CHRNA7: variants seen among roughly 807,000 people sequenced by gnomAD.
CHRNA7 encodes the protein neuronal acetylcholine receptor subunit alpha-7.
CHRNA7 carries 17 observed loss-of-function variants against 48.0 expected under a neutral mutation model. That is an observed-to-expected ratio of 0.35 (90% CI 0.24 to 0.53). CHRNA7 has a LOEUF of 0.53. CHRNA7 is among the 20% of genes least tolerant of loss of function. The pLI, the probability that CHRNA7 is intolerant of heterozygous loss-of-function variation, is 0.92. For missense variants in CHRNA7, 155 were observed against 577.7 expected (o/e 0.27, Z 7.50); for synonymous variants, 75 against 242.3 (o/e 0.31, Z 6.41).
At chr15:32,053,936 T>C (rs902356577) in intron 2 of CHRNA7, among the ~76,000 whole-genome samples, 5 of 152,174 alleles carry the variant, frequency 3.3e-5, no homozygotes, top group African/African-American at 1.2e-4. Flanking sequence ...TTGTCATGGT[T>C]AATGAATGCC....
intron 2 of CHRNA7, among the ~76,000 whole-genome samples, chr15:32,032,653 A>G (rs1203560557): frequency 6.6e-6 from 1 of 152,186 alleles, no homozygotes; most frequent in African/African-American, 2.4e-5. Flanking sequence ...GTCCAGGGTC[A>G]ACTCCAGCCA....
chr15:32,093,658 G>A (rs992162734), intron 2 of CHRNA7, among the ~76,000 whole-genome samples: 1 of 152,108 alleles, frequency 6.6e-6, no homozygotes, highest in Non-Finnish European at 1.5e-5. Flanking sequence ...ACCTGCCTCT[G>A]TTCACCTGGC....
chr15:32,141,955 A>G (rs938675432), intron 4 of CHRNA7, among the ~76,000 whole-genome samples: 8 of 152,158 alleles, frequency 5.3e-5, no homozygotes, highest in African/African-American at 1.9e-4. Context: ...TTCCAACACT[A>G]TGTTGAATAG....
chr15:32,143,306 T>G (rs190240120), intron 4 of CHRNA7, among the ~76,000 whole-genome samples: 1 of 152,368 alleles, frequency 6.6e-6, no homozygotes, highest in Admixed American at 6.5e-5. Flanking sequence ...TGATTTCTGT[T>G]CTTTTACATT....
intron 3 of CHRNA7, among the ~76,000 whole-genome samples, chr15:32,107,677 C>T (rs1371993008): frequency 6.6e-6 from 1 of 152,150 alleles, no homozygotes; most frequent in East Asian, 1.9e-4. Flanking sequence ...CGCAAGGGTG[C>T]GCGGAGCTGT....
intron 2 of CHRNA7, among the ~76,000 whole-genome samples, chr15:32,050,140 C>G (rs772332855): frequency 2.0e-5 from 3 of 152,078 alleles, no homozygotes; most frequent in African/African-American, 7.2e-5. Flanking sequence ...TTGCTCTTCT[C>G]GATGAGTATC....
At chr15:32,053,040 A>G (rs1050714057) in intron 2 of CHRNA7, among the ~76,000 whole-genome samples, 3 of 152,192 alleles carry the variant, frequency 2.0e-5, no homozygotes, top group African/African-American at 7.2e-5. Flanking sequence ...ATGCACCTTT[A>G]TAATTGATAC....
At chr15:32,148,818 G>A (rs372674571) in intron 4 of CHRNA7, among the ~76,000 whole-genome samples, 4 of 152,180 alleles carry the variant, frequency 2.6e-5, no homozygotes, top group East Asian at 1.9e-4. Flanking sequence ...AGCCTCCTTC[G>A]TTCTGGCTTA....
At position 32,149,087 on chromosome 15, in the gene CHRNA7, G is replaced by A. The variant is rs2051560004; in HGVS notation, c.351-4820G>A. On this transcript the variant is annotated intron_variant, in intron 4 of 9. Coordinates refer to ENST00000306901, the MANE Select transcript of CHRNA7 (RefSeq NM_000746.6). This position sits in a 1 kb window ranked among gnomAD's most constrained non-coding sequence, Gnocchi z 4.6. ...CATTGCTGGCTGGGGGAGGACAAAG[G>A]CAGCCAGATAAAGGCAGCTCCTGCA... Among the ~76,000 whole-genome samples, 2 of 152,228 alleles carry A rather than the reference G, an allele frequency of 1.3e-5. No homozygotes were observed. The highest frequency in any genetic ancestry group is 2.9e-5 in the Non-Finnish European group (2 of 68,050).
In CHRNA7 at chr15:32,101,286, T is replaced by TTC; in HGVS notation, c.196-16_196-15insCT. 1 of 1,504,520 alleles carries TTC rather than the reference T, an allele frequency of 6.6e-7. No individual in the cohort carries two copies. The highest frequency in any genetic ancestry group is 2.0e-5 in the Admixed American group (1 of 49,486). 93.2% of individuals were successfully genotyped at this position (1,504,520 alleles called of 1,614,324 possible). A position where few individuals can be genotyped will look rare whatever the true frequency, so the allele number is the denominator to read the frequency against. On this transcript the variant is annotated splice_polypyrimidine_tract_variant and intron_variant, in intron 2 of 9. Coordinates refer to ENST00000306901, the MANE Select transcript of CHRNA7 (RefSeq NM_000746.6). ...AACCATATTATTTATGCTGCTGCTT[T>TTC]TTTTTTTTTTTTGAAGGATGAGAAG...
chr15:32,091,951 T>G lies in CHRNA7; in HGVS notation c.196-9352T>G, dbSNP rs758011819. Among the ~76,000 whole-genome samples, 34 of 36,274 alleles carry G rather than the reference T, an allele frequency of 9.4e-4. No homozygotes were observed. The Admixed American group carries it at 0.011, about 12-fold the overall frequency. 23.8% of individuals were successfully genotyped at this position (36,274 alleles called of 152,430 possible). On this transcript the variant is annotated intron_variant, in intron 2 of 9. Coordinates refer to ENST00000306901, the MANE Select transcript of CHRNA7 (RefSeq NM_000746.6). ...TTGTAGCAGGATAGTATTAACATTA[T>G]AGAGTCTCCTGTTTTCTAGGACCAG... is the stretch of plus-strand genomic sequence containing the variant.
chr15:32,120,417 G>GTTTTCTTTTC lies in CHRNA7; in HGVS notation c.350+8538_350+8547dup, dbSNP rs61075775. Among the ~76,000 whole-genome samples the GTTTTCTTTTC allele has an allele frequency of 2.5e-3, 380 of 151,886 alleles. 3 individuals are homozygous for GTTTTCTTTTC. Among genetic ancestry groups the GTTTTCTTTTC allele is most frequent in the African/African-American group, 8.6e-3 (354 of 41,334 alleles). On this transcript the variant is annotated intron_variant, in intron 4 of 9. Transcript: ENST00000306901. ...TTGTTTTCTCTGAAGCTGCTGTGGG[G>GTTTTCTTTTC]TTTTCTTTTCTTTTCTTTTCTTTTC...
At chr15:32,056,926 A>G (rs2049797457) in intron 2 of CHRNA7, among the ~76,000 whole-genome samples, 2 of 152,216 alleles carry the variant, frequency 1.3e-5, no homozygotes, top group Admixed American at 6.5e-5. Flanking sequence ...AGAACAATTC[A>G]TGAATCAAGC....
intron 3 of CHRNA7, among the ~76,000 whole-genome samples, chr15:32,104,398 C>G (rs2050626244): frequency 6.6e-6 from 1 of 152,134 alleles, no homozygotes; most frequent in South Asian, 2.1e-4. Context: ...ATTGAGTCTT[C>G]TTTGAGCTCC....
intron 3 of CHRNA7, chr15:32,111,036 C>T (rs2141278523): frequency 6.6e-6 from 1 of 152,324 alleles, no homozygotes; most frequent in African/African-American, 2.4e-5. Context: ...GGTGGGATCC[C>T]ACCCGAGCAT....
At chr15:32,115,996 C>T (rs2050863755) in intron 4 of CHRNA7, among the ~76,000 whole-genome samples, 2 of 152,200 alleles carry the variant, frequency 1.3e-5, no homozygotes, top group Non-Finnish European at 2.9e-5. Flanking sequence ...TATCCTAACC[C>T]TCTGATATTC....
At chr15:32,105,553 G>A (rs1335731901) in intron 3 of CHRNA7, among the ~76,000 whole-genome samples, 1 of 152,122 alleles carries the variant, frequency 6.6e-6, no homozygotes, top group Non-Finnish European at 1.5e-5. Context: ...AAAATAGCAA[G>A]AACAAGTATC....
intron 2 of CHRNA7, among the ~76,000 whole-genome samples, chr15:32,059,944 C>CAAAAAAAAAAAAAAA (rs34200550): frequency 3.6e-4 from 12 of 33,054 alleles, no homozygotes; most frequent in African/African-American, 7.4e-4. Flanking sequence ...AGTAGAAAAG[C>CAAAAAAAAAAAAAAA]AAAAAAAAAA....
intron 2 of CHRNA7, among the ~76,000 whole-genome samples, chr15:32,065,786 A>G (rs971250293): frequency 6.6e-6 from 1 of 152,070 alleles, no homozygotes; most frequent in Non-Finnish European, 1.5e-5. Flanking sequence ...CAGAGCTGTC[A>G]GCTGCCTGGC....
Sources: allele counts gnomAD v4.1 joint callset (sites outside exome capture counted in the v4.1 genomes callset), GRCh38; gene constraint gnomAD v4.1.1; non-coding constraint Gnocchi (gnomAD v3.1); transcripts MANE v1.5; gene names NCBI Gene and HGNC (gene_info 2026-07-23, HGNC 2026-07-21).